Variants in FAM120B observed in about 807,000 individuals in gnomAD.
FAM120B encodes the protein family with sequence similarity 120 member B.
A neutral mutation model predicts 96.3 loss-of-function variants in FAM120B; 83 were observed. The observed-to-expected ratio is 0.86, with a 90% CI of 0.72 to 1.03. The LOEUF is 1.03. Among genes scored for constraint, FAM120B ranks in the 50% least tolerant of loss-of-function variants. The probability of loss-of-function intolerance (pLI) is 0.00; values close to 1 mark genes in which losing one functional copy is unlikely to be tolerated. For synonymous variants in FAM120B, 407 were observed against 402.7 expected (o/e 1.01, Z -0.13); for missense variants, 1,027 against 1,121.2 (o/e 0.92, Z 1.20).
rs976095133 is a variant in FAM120B, at chr6:170,407,031, G to A, written c.*2280G>A. 1 of 152,118 alleles carries A rather than the reference G, an allele frequency of 6.6e-6. No homozygotes were observed. Among genetic ancestry groups the A allele is most frequent in the African/African-American group, 2.4e-5 (1 of 41,402 alleles). The allele number at this position is 152,118 out of a possible 1,614,324, so 9.4% of individuals were successfully genotyped here. A position where few individuals can be genotyped will look rare whatever the true frequency, so the allele number is the denominator to read the frequency against. ...TGATGAAATTTCCATATATCAAATT[G>A]AAAATAAAGCAAAATATATTTATTA... On this transcript the variant is annotated 3_prime_UTR_variant, in exon 11 of 11. Coordinates refer to ENST00000476287, the MANE Select transcript of FAM120B (RefSeq NM_032448.3).
chr6:170,298,518 CTTTTTTT>C (rs796314508), intron 1 of FAM120B: 2 of 139,438 alleles, frequency 1.4e-5, no homozygotes, highest in Admixed American at 1.4e-4. Flanking sequence ...GCAATATTTT[CTTTTTTT>C]TTTTTTTTTG....
intron 4 of FAM120B, among the ~76,000 whole-genome samples, chr6:170,342,737 G>A (rs780034281): frequency 2.0e-5 from 3 of 152,308 alleles, no homozygotes; most frequent in East Asian, 1.9e-4. Context: ...ATTGTGTACC[G>A]GGGTTTTTGA....
chr6:170,376,531 G>A (rs933438527), intron 6 of FAM120B, among the ~76,000 whole-genome samples: 1 of 152,098 alleles, frequency 6.6e-6, no homozygotes, highest in Non-Finnish European at 1.5e-5. Context: ...AGAGCAGAGA[G>A]CGCTGGCATG....
At chr6:170,312,041 G>A (rs568953238) in intron 1 of FAM120B, among the ~76,000 whole-genome samples, 4 of 152,266 alleles carry the variant, frequency 2.6e-5, no homozygotes, top group South Asian at 4.1e-4. Context: ...TTACGTCCAC[G>A]TTGTACATCT....
At position 170,318,280 on chromosome 6, in the gene FAM120B, T is replaced by C; in HGVS notation, c.890T>C (p.Phe297Ser). The C allele has an allele frequency of 6.2e-7, 1 of 1,614,144 alleles. No homozygotes were observed. Among genetic ancestry groups the C allele is most frequent in the Non-Finnish European group, 8.5e-7 (1 of 1,180,038 alleles). ...CCTCTGGGACCAAACAAAGCTCTTT[T>C]TTATAAAGGAATGGCATCATATCTT... ...ILPLGPNKAL[F>S]YKGMASYLLP... The change falls in exon 2 of 11, where the codon TTT becomes TCT. Residue 297 changes from phenylalanine (F) to serine (S), a missense_variant. By Grantham distance (155) the Phe-to-Ser change is radical. Transcript: ENST00000476287.
At chr6:170,399,854 A>AGC (rs1309694680) in intron 9 of FAM120B, among the ~76,000 whole-genome samples, 3 of 12,516 alleles carry the variant, frequency 2.4e-4, no homozygotes, top group Non-Finnish European at 3.9e-4. Context: ...CTATGTCATA[A>AGC]CTTAGGAGTG....
intron 4 of FAM120B, among the ~76,000 whole-genome samples, chr6:170,344,701 G>T (rs934689921): frequency 6.6e-6 from 1 of 152,166 alleles, no homozygotes; most frequent in African/African-American, 2.4e-5. Flanking sequence ...TAATCGTTGC[G>T]TGGATCCATT....
chr6:170,311,480 A>T (rs539769708), intron 1 of FAM120B, among the ~76,000 whole-genome samples: 1 of 152,344 alleles, frequency 6.6e-6, no homozygotes, highest in African/African-American at 2.4e-5. Context: ...TTGAAAAAAG[A>T]TACCTTGCAG....
chr6:170,400,895 C>A (rs1407157032), intron 9 of FAM120B, among the ~76,000 whole-genome samples: 1 of 152,176 alleles, frequency 6.6e-6, no homozygotes, highest in Non-Finnish European at 1.5e-5. Context: ...GCCCCCAGGT[C>A]AAGTGCCAGG....
At chr6:170,388,574 C>G (rs1300716810) in intron 7 of FAM120B, 81 bp downstream of exon 7, 4 of 1,216,756 alleles carry the variant, frequency 3.3e-6, no homozygotes, top group Non-Finnish European at 4.8e-6. Context: ...TCGGCTGTTG[C>G]ATTTTTCAAA....
intron 3 of FAM120B, among the ~76,000 whole-genome samples, chr6:170,329,818 CTTCTT>C (rs1785885232): frequency 1.3e-5 from 2 of 152,098 alleles, no homozygotes; most frequent in South Asian, 4.1e-4. Flanking sequence ...AGTGTCCACT[CTTCTT>C]CTCTTCATCA....
At chr6:170,330,300 T>G in intron 3 of FAM120B, 149 bp from the exon 4 acceptor site, 1 of 597,860 alleles carries the variant, frequency 1.7e-6, no homozygotes, top group Non-Finnish European at 3.0e-6. Context: ...GATAAGAAAT[T>G]AATTGTTGGA....
rs773142595 is a variant in FAM120B, at chr6:170,318,978, C to A, written c.1588C>A (p.Gln530Lys). ...CATGTGTACACACGCTGAAATCAAT[C>A]AAAAATTACCTGTAGCAACAGATTT... Reference protein sequence around the residue: ...DSMCTHAEINQKLPVATDFEF... With the variant: ...DSMCTHAEINKKLPVATDFEF... Residue 530 changes from glutamine to lysine, a missense_variant, in exon 2 of 11, where the codon CAA (glutamine) becomes AAA (lysine). Gln to Lys is a moderately conservative substitution (Grantham distance 53, BLOSUM62 1). Around this residue, in one of 3 missense-constraint regions of FAM120B, gnomAD observed 880 missense variants for 980.9 expected, o/e 0.90. Transcript: ENST00000476287. The A allele has an allele frequency of 5.0e-6, 8 of 1,613,992 alleles. No homozygotes were observed. Among genetic ancestry groups the A allele is most frequent in the Admixed American group, 1.7e-5 (1 of 60,008 alleles).
At chr6:170,350,209 G>A (rs754878181) in intron 5 of FAM120B, among the ~76,000 whole-genome samples, 12 of 152,172 alleles carry the variant, frequency 7.9e-5, no homozygotes, top group Non-Finnish European at 1.6e-4. Flanking sequence ...GGAGCCAAAC[G>A]GCATCATTCT....
At chr6:170,347,614 T>C (rs1400823504) in intron 4 of FAM120B, among the ~76,000 whole-genome samples, 1 of 152,248 alleles carries the variant, frequency 6.6e-6, no homozygotes, top group African/African-American at 2.4e-5. Flanking sequence ...GTCTTCTGAG[T>C]TGTTAAAATG....
At position 170,388,368 on chromosome 6, in the gene FAM120B, G is replaced by T. The variant is rs1163862477; in HGVS notation, c.2365G>T (p.Ala789Ser). Residue 789 changes from alanine to serine, a missense_variant, in exon 7 of 11, where the codon GCA (alanine) becomes TCA (serine). Around this residue, in one of 3 missense-constraint regions of FAM120B, gnomAD observed 880 missense variants for 980.9 expected, o/e 0.90. Transcript: ENST00000476287. Reference sequence around the variant, plus strand: ...CACCACTCTGGTTTTAGTCAACAGCGCATGTGGCTTCCCCTGGAAGACGAG... The same window carrying T: ...CACCACTCTGGTTTTAGTCAACAGCTCATGTGGCTTCCCCTGGAAGACGAG... Reference protein sequence around the residue: ...GLTTLVLVNSACGFPWKTSDF... With the variant: ...GLTTLVLVNSSCGFPWKTSDF... 5.0e-6 allele frequency: 8 copies of T among 1,614,006 alleles called. No homozygotes were observed. The highest frequency in any genetic ancestry group is 6.8e-6 in the Non-Finnish European group (8 of 1,180,030).
At chr6:170,330,297 A>C (rs1583211586) in intron 3 of FAM120B, 152 bp from the exon 4 acceptor site, 2 of 598,292 alleles carry the variant, frequency 3.3e-6, no homozygotes. Flanking sequence ...GAGGATAAGA[A>C]ATTAATTGTT....
At chr6:170,330,752 G>A in intron 4 of FAM120B, 2 of 574,010 alleles carry the variant, frequency 3.5e-6, no homozygotes, top group South Asian at 4.2e-5. Context: ...GGTTTACCCT[G>A]GACCATCTGC....
At chr6:170,305,502 G>A (rs1249605073), upstream of FAM120B, among the ~76,000 whole-genome samples, 1 of 152,184 alleles carries the variant, frequency 6.6e-6, no homozygotes, top group African/African-American at 2.4e-5. Flanking sequence ...CTTTGCTAGA[G>A]ATTCTGAAGA....
Sources: gnomAD v4.1 joint callset for allele counts (sites outside exome capture counted in the v4.1 genomes callset) on GRCh38, gnomAD v4.1.1 for gene constraint, gnomAD v4.1.1 regional missense constraint, MANE v1.5 for transcripts, NCBI Gene and HGNC (gene_info 2026-07-23, HGNC 2026-07-21) for gene names.